ARSG: variants seen among roughly 807,000 people sequenced by gnomAD.
ARSG encodes arylsulfatase G, also known as ASG.
In ARSG, 37 loss-of-function variants were observed where a neutral mutation model predicts 50.5. The ratio of observed to expected loss-of-function variants is 0.73; its 90% confidence interval spans 0.56 to 0.96. ARSG has a LOEUF of 0.96. ARSG is among the 50% of genes least tolerant of loss of function. ARSG has a pLI of 0.00. For synonymous variants in ARSG, 225 were observed against 254.6 expected (o/e 0.88, Z 1.11); for missense variants, 629 against 675.3 (o/e 0.93, Z 0.76).
At chr17:68,336,550 C>T (rs896958730) in intron 2 of ARSG, among the ~76,000 whole-genome samples, 11 of 151,750 alleles carry the variant, frequency 7.2e-5, no homozygotes, top group Admixed American at 1.3e-4. Flanking sequence ...TGATCAAATT[C>T]GCATTATGGA....
chr17:68,401,352 T>C lies in ARSG; in HGVS notation c.1213-8T>C. On this transcript the variant is annotated splice_polypyrimidine_tract_variant and splice_region_variant and intron_variant, in intron 10 of 11. Coordinates refer to ENST00000621439, the MANE Select transcript of ARSG (RefSeq NM_001267727.2). The stretch of plus-strand genomic sequence containing the variant: ...TTTCTATTAGTAAGCTCTGCCACCC[T>C]TTCTCAGGTGCTGTTCCACCCCAAC... 1 of 1,613,538 alleles carries C rather than the reference T, an allele frequency of 6.2e-7. No homozygotes were observed. Among genetic ancestry groups the C allele is most frequent in the Non-Finnish European group, 8.5e-7 (1 of 1,179,584 alleles).
chr17:68,343,557 G>T, intron 2 of ARSG, 47 bp from the exon 3 acceptor site: 1 of 1,506,720 alleles, frequency 6.6e-7, no homozygotes, highest in Non-Finnish European at 8.9e-7. Flanking sequence ...CTTTTACTCT[G>T]GCTTCCTGTG....
chr17:68,285,336 G>A (rs1555754033), intron 1 of ARSG, among the ~76,000 whole-genome samples: 1 of 152,196 alleles, frequency 6.6e-6, no homozygotes, highest in Non-Finnish European at 1.5e-5. Flanking sequence ...AGAGAGACGT[G>A]GAGTGCAGTG....
At chr17:68,354,618 G>A (rs2078952869) in intron 5 of ARSG, among the ~76,000 whole-genome samples, 1 of 149,830 alleles carries the variant, frequency 6.7e-6, no homozygotes, top group African/African-American at 2.5e-5. Flanking sequence ...AAAAAATTTG[G>A]GATGCCTGTA....
intron 11 of ARSG, among the ~76,000 whole-genome samples, chr17:68,401,751 G>A (rs1420849485): frequency 6.6e-6 from 1 of 152,188 alleles, no homozygotes; most frequent in Non-Finnish European, 1.5e-5. Flanking sequence ...TTAAATGCCA[G>A]TTTGGATGAA....
Position 68,356,711 on chromosome 17 carries a change from A to T in ARSG, c.611A>T (p.Tyr204Phe). The T allele has an allele frequency of 1.9e-6, 3 of 1,614,202 alleles. No individual in the cohort carries two copies. The highest frequency in any genetic ancestry group is 1.7e-6 in the Non-Finnish European group (2 of 1,180,026). Residue 204 changes from tyrosine to phenylalanine, a missense_variant, in exon 6 of 12, where the codon TAT becomes TTT. Physicochemically the swap from Tyr to Phe is conservative, Grantham distance 22 (BLOSUM62 3). Transcript: ENST00000621439. ...TACACTGACGTGGCCCTCCCTCTTT[A>T]TGAAAACCTCAACATTGTGGAGCAG... ...DCYTDVALPL[Y>F]ENLNIVEQPV...
At chr17:68,446,334 C>T in the ARSG span, among the ~76,000 whole-genome samples, 1 of 152,012 alleles carries the variant, frequency 6.6e-6, no homozygotes, top group Non-Finnish European at 1.5e-5. Flanking sequence ...GTGTGCGCCA[C>T]CATGCCTGGC....
intron 2 of ARSG, among the ~76,000 whole-genome samples, chr17:68,324,741 G>A (rs901269558): frequency 6.6e-6 from 1 of 152,338 alleles, no homozygotes; most frequent in Admixed American, 6.5e-5. Flanking sequence ...TGTTTTAAAA[G>A]TTAGAAATAT....
chr17:68,392,880 AAAC>A (rs2081061483), intron 9 of ARSG, among the ~76,000 whole-genome samples: 1 of 152,224 alleles, frequency 6.6e-6, no homozygotes, highest in Non-Finnish European at 1.5e-5. Context: ...TTTTGAACAA[AAAC>A]TAGATCTTTT....
chr17:68,339,596 A>G (rs1358001562), intron 2 of ARSG, among the ~76,000 whole-genome samples: 1 of 152,122 alleles, frequency 6.6e-6, no homozygotes, highest in Non-Finnish European at 1.5e-5. Flanking sequence ...TTTTGAAGAG[A>G]CTAGACCAGT....
At chr17:68,347,697 C>T (rs1044837105) in intron 4 of ARSG, among the ~76,000 whole-genome samples, 4 of 152,202 alleles carry the variant, frequency 2.6e-5, no homozygotes, top group African/African-American at 7.2e-5. Flanking sequence ...ATTCTCCAAA[C>T]GTCCAATTCA....
intron 9 of ARSG, among the ~76,000 whole-genome samples, chr17:68,388,804 A>C (rs2080850322): frequency 6.6e-6 from 1 of 151,928 alleles, no homozygotes; most frequent in Admixed American, 6.6e-5. Flanking sequence ...GCGTGCCTGT[A>C]ATCCCAGCTA....
At chr17:68,387,079 T>TCACACACA (rs72320984) in intron 9 of ARSG, among the ~76,000 whole-genome samples, 2 of 146,298 alleles carry the variant, frequency 1.4e-5, no homozygotes, top group African/African-American at 5.0e-5. Flanking sequence ...ATATAGTGTA[T>TCACACACA]CACACACACA....
In ARSG at chr17:68,420,793, C is replaced by G. The variant is rs1224093547; in HGVS notation, c.*330C>G. Reference sequence around the variant, plus strand: ...ATTTTGAGGGTTAAATAAAGGCATACATGAAAATGCCTGGCAAATTACCTG... The same window carrying G: ...ATTTTGAGGGTTAAATAAAGGCATAGATGAAAATGCCTGGCAAATTACCTG... On this transcript the variant is annotated 3_prime_UTR_variant, in exon 12 of 12. Coordinates refer to ENST00000621439, the MANE Select transcript of ARSG (RefSeq NM_001267727.2). 6.5e-6 allele frequency: 2 copies of G among 306,864 alleles called. No individual in the cohort carries two copies. Among genetic ancestry groups the G allele is most frequent in the African/African-American group, 4.3e-5 (2 of 46,584 alleles). The allele number at this position is 306,864 out of a possible 1,614,324, so 19.0% of individuals were successfully genotyped here. A position where few individuals can be genotyped will look rare whatever the true frequency, so the allele number is the denominator to read the frequency against.
the ARSG span, among the ~76,000 whole-genome samples, chr17:68,435,302 G>A: frequency 6.6e-6 from 1 of 152,096 alleles, no homozygotes; most frequent in Admixed American, 6.5e-5. Flanking sequence ...CATTTGGTTT[G>A]CACTGTACTG....
intron 11 of ARSG, among the ~76,000 whole-genome samples, chr17:68,411,967 T>G (rs980931648): frequency 3.3e-5 from 5 of 152,082 alleles, no homozygotes; most frequent in African/African-American, 4.8e-5. Flanking sequence ...GTTTTCCATT[T>G]GCTTGGTAGA....
chr17:68,374,256 T>A (rs920786201), intron 8 of ARSG, among the ~76,000 whole-genome samples: 7 of 152,056 alleles, frequency 4.6e-5, no homozygotes, highest in Non-Finnish European at 1.0e-4. Flanking sequence ...TTTCTGTACC[T>A]GGGACACTCT....
downstream of ARSG, chr17:68,424,648 AGT>A: frequency 5.2e-6 from 2 of 385,786 alleles, no homozygotes; most frequent in Non-Finnish European, 5.2e-6. Context: ...GGCCGAGACG[AGT>A]GGATCACTTG....
intron 1 of ARSG, chr17:68,278,390 C>T (rs961109229): frequency 1.9e-6 from 2 of 1,032,096 alleles, no homozygotes; most frequent in African/African-American, 3.2e-5. Context: ...GATTCTCATA[C>T]TCTTAAGCAA....
Sources: allele counts gnomAD v4.1 joint callset (sites outside exome capture counted in the v4.1 genomes callset), GRCh38; gene constraint gnomAD v4.1.1; transcripts MANE v1.5; gene names NCBI Gene and HGNC (gene_info 2026-07-23, HGNC 2026-07-21).